SARNP: variants seen among roughly 807,000 people sequenced by gnomAD.
SARNP encodes the protein SAP domain-containing ribonucleoprotein.
A neutral mutation model predicts 38.1 loss-of-function variants in SARNP; 5 were observed. The ratio of observed to expected loss-of-function variants is 0.13; its 90% CI spans 0.07 to 0.28. SARNP has a LOEUF of 0.28. Ranked by LOEUF, SARNP falls within the 10% of genes least tolerant of loss-of-function variation. SARNP has a pLI of 1.00. For missense variants in SARNP, 180 were observed against 243.9 expected (o/e 0.74, Z 1.75); for synonymous variants, 84 against 80.6 (o/e 1.04, Z -0.23).
At chr12:55,784,253 G>C (rs1042408654) in intron 9 of SARNP, among the ~76,000 whole-genome samples, 24 of 152,144 alleles carry the variant, frequency 1.6e-4, no homozygotes, top group African/African-American at 9.7e-5. Flanking sequence ...AAATTATATA[G>C]AAGGCTACAC....
Position 55,780,642 on chromosome 12 carries a change from C to T in SARNP, c.501+8433G>A, listed in dbSNP as rs1592565581. Among the ~76,000 whole-genome samples, 3 of 152,162 alleles carry T rather than the reference C, an allele frequency of 2.0e-5. No individual in the cohort carries two copies. The East Asian group carries it at 5.8e-4, about 29-fold the overall frequency. On this transcript the variant is annotated intron_variant, in intron 9 of 10. Coordinates refer to ENST00000336133, the MANE Select transcript of SARNP (RefSeq NM_033082.4). ...CCGAGATCACGCCATTGCACTCCAC[C>T]CTGGGCAACAAGTGCAAAACTCTGT... is the stretch of plus-strand genomic sequence containing the variant.
At chr12:55,803,954 C>G (rs895238329) in intron 1 of SARNP, among the ~76,000 whole-genome samples, 9 of 152,208 alleles carry the variant, frequency 5.9e-5, no homozygotes, top group African/African-American at 2.2e-4. Flanking sequence ...AAACATCACA[C>G]TTTAATAAAA....
At chr12:55,782,215 A>G (rs767511121) in intron 9 of SARNP, among the ~76,000 whole-genome samples, 1 of 152,250 alleles carries the variant, frequency 6.6e-6, no homozygotes, top group Non-Finnish European at 1.5e-5. Context: ...AAGGTCAATA[A>G]GGATATAAAA....
At chr12:55,808,874 T>C (rs966736751) in intron 1 of SARNP, among the ~76,000 whole-genome samples, 1 of 152,236 alleles carries the variant, frequency 6.6e-6, no homozygotes, top group African/African-American at 2.4e-5. Context: ...TAAAACCTTT[T>C]AAAACTTAAA....
intron 9 of SARNP, among the ~76,000 whole-genome samples, chr12:55,787,519 C>T (rs1370290704): frequency 3.3e-5 from 5 of 152,132 alleles, no homozygotes; most frequent in African/African-American, 9.7e-5. Flanking sequence ...TCACTACAAC[C>T]TCTGCCTTCC....
chr12:55,761,175 C>CA lies in SARNP; in HGVS notation c.502-536dup, dbSNP rs967678002. ...TGGGTGACAGAGTGAGACTCTGTCT[C>CA]AAAAAAAAAAATAATAAATAAAATA... On this transcript the variant is annotated intron_variant, in intron 9 of 10. Coordinates refer to ENST00000336133, the MANE Select transcript of SARNP (RefSeq NM_033082.4). Among the ~76,000 whole-genome samples, 117 of 140,074 alleles carry CA rather than the reference C, an allele frequency of 8.4e-4. 2 individuals are homozygous for CA. The highest frequency in any genetic ancestry group is 3.8e-3 in the South Asian group (17 of 4,446). The allele number at this position is 140,074 out of a possible 152,430, so 91.9% of individuals were successfully genotyped here.
At chr12:55,785,377 T>TA (rs1879460642) in intron 9 of SARNP, among the ~76,000 whole-genome samples, 2 of 152,052 alleles carry the variant, frequency 1.3e-5, no homozygotes, top group South Asian at 4.2e-4. Flanking sequence ...TTTAAGGCCA[T>TA]AAAGCCAATT....
At position 55,757,683 on chromosome 12, in the gene SARNP, T is replaced by A. The variant is rs1251366983; in HGVS notation, c.592-130A>T. Reference sequence around the variant, plus strand: ...AAGGAAGGATGGCCCAGACTTGAGCTTGGTAGCTAGAGATTTCATTCCTGA... The same window carrying A: ...AAGGAAGGATGGCCCAGACTTGAGCATGGTAGCTAGAGATTTCATTCCTGA... On this transcript the variant is annotated intron_variant, in intron 10 of 10. Transcript: ENST00000336133. 5 of 615,722 alleles carry A rather than the reference T, an allele frequency of 8.1e-6. No individual in the cohort carries two copies. The Admixed American group carries it at 1.0e-4, about 13-fold the overall frequency. 38.1% of individuals were successfully genotyped at this position (615,722 alleles called of 1,614,324 possible).
intron 9 of SARNP, among the ~76,000 whole-genome samples, chr12:55,764,672 T>TA (rs961419601): frequency 6.0e-5 from 9 of 149,186 alleles, no homozygotes; most frequent in East Asian, 2.0e-4. Context: ...CCATCTCTAT[T>TA]AAAAAAAATA....
intron 4 of SARNP, 41 bp downstream of exon 4, chr12:55,800,521 C>G (rs767530519): frequency 1.6e-6 from 2 of 1,290,186 alleles, no homozygotes; most frequent in East Asian, 4.6e-5. Flanking sequence ...AAGAAAAGAG[C>G]TGCCTGCTCT....
intron 1 of SARNP, among the ~76,000 whole-genome samples, chr12:55,805,090 C>T (rs543294168): frequency 1.3e-5 from 2 of 151,922 alleles, no homozygotes; most frequent in South Asian, 2.1e-4. Flanking sequence ...AGTGAAACCC[C>T]GTCTCTACTA....
chr12:55,774,558 T>TAAAAAAAAAAAAAAAAAAAAAAAAAA (rs1565673497), intron 9 of SARNP, among the ~76,000 whole-genome samples: 5 of 40,522 alleles, frequency 1.2e-4, no homozygotes, highest in Admixed American at 4.8e-4. Context: ...CCGTCTCTAC[T>TAAAAAAAAAAAAAAAAAAAAAAAAAA]GAAAAAAAAA....
At chr12:55,813,318 T>G (rs917859267) in intron 1 of SARNP, among the ~76,000 whole-genome samples, 2 of 152,098 alleles carry the variant, frequency 1.3e-5, no homozygotes, top group Non-Finnish European at 2.9e-5. Context: ...TGTTTGTGGA[T>G]AGAACATAGA....
intron 1 of SARNP, among the ~76,000 whole-genome samples, chr12:55,808,127 T>C (rs752656456): frequency 3.9e-5 from 6 of 152,204 alleles, no homozygotes; most frequent in Non-Finnish European, 8.8e-5. Flanking sequence ...TCTTTTGTTA[T>C]ATAGTGAGTT....
intron 1 of SARNP, among the ~76,000 whole-genome samples, chr12:55,809,420 G>T (rs1880258261): frequency 6.6e-6 from 1 of 152,000 alleles, no homozygotes; most frequent in African/African-American, 2.4e-5. Flanking sequence ...CTCCAGCCTG[G>T]GCAACACAGT....
downstream of SARNP, chr12:55,754,298 A>C (rs1483955471): frequency 6.6e-6 from 1 of 152,244 alleles, no homozygotes; most frequent in Non-Finnish European, 1.5e-5. Context: ...GACTTTTTAC[A>C]AGTCTTTTCT....
At chr12:55,754,414 T>G (rs986124322), downstream of SARNP, 10 of 152,358 alleles carry the variant, frequency 6.6e-5, no homozygotes, top group African/African-American at 2.4e-4. Context: ...CAGCAGGCAG[T>G]GGCATCTACA....
At chr12:55,771,650 G>C (rs889729477) in intron 9 of SARNP, among the ~76,000 whole-genome samples, 1 of 152,114 alleles carries the variant, frequency 6.6e-6, no homozygotes, top group Admixed American at 6.5e-5. Context: ...ATGGAAGAGA[G>C]GCTGACAGAG....
chr12:55,808,686 G>A (rs953232966), intron 1 of SARNP, among the ~76,000 whole-genome samples: 10 of 151,762 alleles, frequency 6.6e-5, no homozygotes, highest in African/African-American at 2.4e-4. Context: ...GCTTGAACCT[G>A]GGAGGTCAAG....
Sources: gnomAD v4.1 joint callset for allele counts (sites outside exome capture counted in the v4.1 genomes callset) on GRCh38, gnomAD v4.1.1 for gene constraint, MANE v1.5 for transcripts, NCBI Gene and HGNC (gene_info 2026-07-23, HGNC 2026-07-21) for gene names.